Variants in EML5 observed in about 807,000 individuals in gnomAD.
EML5 encodes the protein echinoderm microtubule-associated protein-like 5.
In EML5, 120 loss-of-function variants were observed where a neutral mutation model predicts 250.0. The observed-to-expected ratio is 0.48, with a 90% CI of 0.41 to 0.56. EML5 has a LOEUF of 0.56. EML5 is among the 20% of genes least tolerant of loss of function. EML5 has a pLI of 0.00. For synonymous variants in EML5, 771 were observed against 806.5 expected (o/e 0.96, Z 0.75); for missense variants, 2,006 against 2,437.6 (o/e 0.82, Z 3.73).
At chr14:88,649,021 A>G (rs1567060618) in intron 28 of EML5, among the ~76,000 whole-genome samples, 2 of 151,488 alleles carry the variant, frequency 1.3e-5, no homozygotes, top group African/African-American at 2.4e-5. Flanking sequence ...TCCTAGTGAT[A>G]CCTTCCTCCC....
chr14:88,702,462 T>C lies in EML5; in HGVS notation c.2222A>G (p.Tyr741Cys). 1 of 1,611,638 alleles carries C rather than the reference T, an allele frequency of 6.2e-7. No homozygotes were observed. The highest frequency in any genetic ancestry group is 8.5e-7 in the Non-Finnish European group (1 of 1,178,894). Residue 741 changes from tyrosine to cysteine, a missense_variant, in exon 14 of 44, where the codon TAC becomes TGC. Physicochemically the swap from Tyr to Cys is radical, Grantham distance 194. Coordinates refer to ENST00000554922, the MANE Select transcript of EML5 (RefSeq NM_183387.3). ...CAAACCTACCTGGCCTGTTGCCACG[T>C]AGTCTTTCAAAGGATGAATAGTTAG... ...LCLTIHPLKD[Y>C]VATGQVGRDP...
intron 37 of EML5, 88 bp downstream of exon 37, chr14:88,622,516 G>C: frequency 9.5e-7 from 1 of 1,053,510 alleles, no homozygotes; most frequent in Non-Finnish European, 1.3e-6. Context: ...ATTAAGTATT[G>C]TTCATTAGGC....
intron 31 of EML5, among the ~76,000 whole-genome samples, chr14:88,640,397 G>T (rs1144920): frequency 0.97 from 146,958 of 152,218 alleles, 71,142 homozygotes; most frequent in East Asian, 1. Context: ...ACCAAGAAGA[G>T]CTCCCAAAAC....
intron 17 of EML5, among the ~76,000 whole-genome samples, chr14:88,693,002 T>C (rs2092994695): frequency 6.6e-6 from 1 of 152,184 alleles, no homozygotes; most frequent in African/African-American, 2.4e-5. Flanking sequence ...AATTTATAAG[T>C]ATACTATTTA....
chr14:88,765,613 T>C (rs182381405), intron 1 of EML5, among the ~76,000 whole-genome samples: 185 of 152,320 alleles, frequency 1.2e-3, no homozygotes, highest in Non-Finnish European at 2.1e-3. Flanking sequence ...TTAAGGTACA[T>C]CCCTATCTTA....
At position 88,615,294 on chromosome 14, in the gene EML5, G is replaced by A. The variant is rs2087420738; in HGVS notation, c.*524C>T. 6.6e-6 allele frequency: 1 copy of A among 152,246 alleles called. No homozygotes were observed. Among genetic ancestry groups the A allele is most frequent in the African/African-American group, 2.4e-5 (1 of 41,456 alleles). 9.4% of individuals were successfully genotyped at this position (152,246 alleles called of 1,614,324 possible). A position where few individuals can be genotyped will look rare whatever the true frequency, so the allele number is the denominator to read the frequency against. On this transcript the variant is annotated 3_prime_UTR_variant, in exon 44 of 44. Transcript: ENST00000554922. ...CATCATATTCTCTAGGAAAGCTTGT[G>A]TCTGTTTCCTTAGGGAAAATGTTTG...
At chr14:88,636,434 G>A (rs879438189) in intron 32 of EML5, among the ~76,000 whole-genome samples, 14 of 152,266 alleles carry the variant, frequency 9.2e-5, no homozygotes, top group African/African-American at 2.4e-4. Context: ...AAGCCAAGGC[G>A]GGCAGATAAC....
chr14:88,749,399 G>A (rs2094057161), intron 2 of EML5, among the ~76,000 whole-genome samples: 1 of 152,082 alleles, frequency 6.6e-6, no homozygotes, highest in East Asian at 1.9e-4. Context: ...CTGAGAAAAT[G>A]AATCATCAGT....
intron 12 of EML5, 71 bp downstream of exon 12, chr14:88,705,411 T>C: frequency 9.1e-7 from 1 of 1,094,158 alleles, no homozygotes; most frequent in South Asian, 1.3e-5. Flanking sequence ...TAACAACAGA[T>C]GACTAACGGG....
In EML5 at chr14:88,620,846, T is replaced by A. The variant is rs1315070503; in HGVS notation, c.5283A>T (p.Gly1761=). 13 of 1,594,766 alleles carry A rather than the reference T, an allele frequency of 8.2e-6. No homozygotes were observed. The highest frequency in any genetic ancestry group is 1.0e-5 in the Non-Finnish European group (12 of 1,169,976). The change falls in exon 39 of 44, where the codon GGA becomes GGT. Residue 1761 remains glycine (G), a synonymous_variant. Transcript: ENST00000554922. The surrounding 1 kb of genome is among the most constrained non-coding windows in gnomAD (Gnocchi z 4.3). ...YSPEGDMVAI[G]MKNGEFIILL... The stretch of plus-strand genomic sequence containing the variant: ...AAATGATAAATTCTCCATTTTTCAT[T>A]CCAATAGCCACCATGTCCCCTTCAG...
At chr14:88,748,554 T>C (rs1010225441) in intron 2 of EML5, among the ~76,000 whole-genome samples, 1 of 152,156 alleles carries the variant, frequency 6.6e-6, no homozygotes. Flanking sequence ...ACAGTGTCCA[T>C]ATACTTTAAA....
At chr14:88,713,981 G>A (rs1566683121) in intron 9 of EML5, among the ~76,000 whole-genome samples, 1 of 151,540 alleles carries the variant, frequency 6.6e-6, no homozygotes, top group Admixed American at 6.6e-5. Context: ...GGGACCACAG[G>A]TGCATACCAC....
At chr14:88,622,339 T>C (rs1050916939) in intron 37 of EML5, 7 of 316,436 alleles carry the variant, frequency 2.2e-5, no homozygotes, top group African/African-American at 1.3e-4. Flanking sequence ...CTTTCAATTA[T>C]GTCTACTAGA....
intron 33 of EML5, among the ~76,000 whole-genome samples, chr14:88,628,524 T>G (rs1321582148): frequency 6.6e-6 from 1 of 152,098 alleles, no homozygotes; most frequent in Non-Finnish European, 1.5e-5. Flanking sequence ...TATATTTTCT[T>G]TTTTATGAAC....
At chr14:88,657,274 TA>T (rs2091907780) in intron 27 of EML5, 101 bp downstream of exon 27, 1 of 1,153,058 alleles carries the variant, frequency 8.7e-7, no homozygotes, top group African/African-American at 1.6e-5. Context: ...ATAGCAAGAA[TA>T]TCACTGTTAC....
chr14:88,754,338 T>G (rs2094134962), intron 2 of EML5, among the ~76,000 whole-genome samples, 174 bp downstream of exon 2: 1 of 152,154 alleles, frequency 6.6e-6, no homozygotes, highest in Non-Finnish European at 1.5e-5. Flanking sequence ...GTTCTTGACA[T>G]GATGAAATAA....
intron 1 of EML5, among the ~76,000 whole-genome samples, chr14:88,783,145 T>G (rs541380807): frequency 6.6e-6 from 1 of 151,982 alleles, no homozygotes; most frequent in African/African-American, 2.4e-5. Context: ...GGTAGAGGTA[T>G]GTTGCAGGGG....
intron 8 of EML5, among the ~76,000 whole-genome samples, chr14:88,725,505 T>A (rs2093653678): frequency 6.6e-6 from 1 of 152,006 alleles, no homozygotes; most frequent in African/African-American, 2.4e-5. Context: ...TATGGCATGG[T>A]GATACAGGAA....
At chr14:88,621,542 G>A (rs2088943215) in intron 37 of EML5, 2 of 534,556 alleles carry the variant, frequency 3.7e-6, no homozygotes, top group Admixed American at 3.4e-5. Context: ...CTTTTCTGTG[G>A]CAGTACACCT....
Sources: allele counts gnomAD v4.1 joint callset (sites outside exome capture counted in the v4.1 genomes callset), GRCh38; gene constraint gnomAD v4.1.1; non-coding constraint Gnocchi (gnomAD v3.1); transcripts MANE v1.5; gene names NCBI Gene and HGNC (gene_info 2026-07-23, HGNC 2026-07-21).